The following CYTH3 variants were observed in gnomAD, a reference collection of about 807,000 sequenced individuals.
The protein encoded by CYTH3 is cytohesin-3.
Under a neutral mutation model 55.1 loss-of-function variants are expected in CYTH3, and 23 were observed. The observed-to-expected ratio is 0.42, with a 90% CI of 0.30 to 0.59. The LOEUF (loss-of-function observed/expected upper bound fraction) is 0.59, where lower values mean the gene tolerates loss of function less well. Ranked by LOEUF, CYTH3 falls within the 20% of genes least tolerant of loss-of-function variation. The probability of loss-of-function intolerance (pLI) is 0.20; values close to 1 mark genes in which losing one functional copy is unlikely to be tolerated. For synonymous variants in CYTH3, 249 were observed against 194.9 expected (o/e 1.28, Z -2.31); for missense variants, 413 against 524.8 (o/e 0.79, Z 2.08).
intron 5 of CYTH3, among the ~76,000 whole-genome samples, chr7:6,174,744 T>G (rs1783300012): frequency 6.6e-6 from 1 of 151,956 alleles, no homozygotes; most frequent in Non-Finnish European, 1.5e-5. Context: ...AGACGGGGTT[T>G]CACCGTGTTA....
At chr7:6,204,185 C>T (rs1207194908) in intron 1 of CYTH3, among the ~76,000 whole-genome samples, 3 of 152,134 alleles carry the variant, frequency 2.0e-5, no homozygotes, top group Admixed American at 6.5e-5. Flanking sequence ...GCTAACGACG[C>T]ATCTTACAAT....
chr7:6,170,977 G>A lies in CYTH3; in HGVS notation c.564C>T (p.Asp188=), dbSNP rs749633395. Residue 188 remains aspartate (D), a splice_region_variant and synonymous_variant, in exon 8 of 13, where the codon GAC becomes GAT. Coordinates refer to ENST00000350796, the MANE Select transcript of CYTH3 (RefSeq NM_004227.4). This position sits in a 1 kb window ranked among gnomAD's most constrained non-coding sequence, Gnocchi z 7.8. ...LCNPGVFQST[D]TCYVLSFAII... is the part of the protein sequence containing the mutation. ...TGGCGAATGACAGCACGTAGCACGT[G>A]TCTGCAACGAGTCCGGGGTGCTGGG... 6.2e-7 allele frequency: 1 copy of A among 1,613,810 alleles called. No individual in the cohort carries two copies. The highest frequency in any genetic ancestry group is 2.2e-5 in the East Asian group (1 of 44,876).
chr7:6,178,019 G>T, intron 4 of CYTH3, 78 bp from the exon 5 acceptor site: 1 of 1,140,994 alleles, frequency 8.8e-7, no homozygotes, highest in Non-Finnish European at 1.3e-6. Context: ...TACACTTAGT[G>T]TCAGGATTTT....
chr7:6,266,444 G>A (rs766933296), intron 1 of CYTH3, among the ~76,000 whole-genome samples: 9 of 152,220 alleles, frequency 5.9e-5, no homozygotes, highest in African/African-American at 9.6e-5. Flanking sequence ...TTATTGAAAT[G>A]TAAATCAAAT....
intron 1 of CYTH3, among the ~76,000 whole-genome samples, chr7:6,241,029 G>A (rs1415866223): frequency 6.6e-6 from 1 of 152,062 alleles, no homozygotes; most frequent in Middle Eastern, 3.2e-3. Flanking sequence ...GGCTGAGGCT[G>A]GAGAATCGCT....
At chr7:6,220,991 T>G (rs1005474301) in intron 1 of CYTH3, among the ~76,000 whole-genome samples, 2 of 150,394 alleles carry the variant, frequency 1.3e-5, no homozygotes, top group Non-Finnish European at 3.0e-5. Flanking sequence ...GTGAGACCCC[T>G]TCTCCAAAAA....
intron 1 of CYTH3, among the ~76,000 whole-genome samples, chr7:6,268,275 C>G (rs187658073): frequency 7.2e-5 from 11 of 152,320 alleles, no homozygotes; most frequent in African/African-American, 2.6e-4. Context: ...TCAAGCGATT[C>G]TCCTGCCTCA....
intron 1 of CYTH3, among the ~76,000 whole-genome samples, chr7:6,270,438 A>G (rs1780619867): frequency 6.6e-6 from 1 of 152,246 alleles, no homozygotes; most frequent in Non-Finnish European, 1.5e-5. Flanking sequence ...GATGAATTAA[A>G]TGATACACTT....
intron 5 of CYTH3, among the ~76,000 whole-genome samples, chr7:6,174,334 C>T (rs1484548360): frequency 1.3e-5 from 2 of 151,742 alleles, no homozygotes; most frequent in African/African-American, 4.8e-5. Flanking sequence ...AGGCTGGTCT[C>T]GAACTCCCGA....
chr7:6,165,099 A>G, intron 12 of CYTH3, 83 bp from the exon 13 acceptor site: 1 of 1,590,914 alleles, frequency 6.3e-7, no homozygotes, highest in South Asian at 1.1e-5. Flanking sequence ...GAGGCCCCTC[A>G]GACAGGACCG....
chr7:6,178,565 C>G (rs1413165333), intron 4 of CYTH3, among the ~76,000 whole-genome samples: 2 of 152,224 alleles, frequency 1.3e-5, no homozygotes, highest in Non-Finnish European at 2.9e-5. Context: ...TATGTGATGA[C>G]CAGAGCCACA....
intron 4 of CYTH3, among the ~76,000 whole-genome samples, chr7:6,179,798 C>CT (rs1783451670): frequency 7.6e-6 from 1 of 131,416 alleles, no homozygotes; most frequent in Admixed American, 7.6e-5. Context: ...CACACACACC[C>CT]ACCACACACA....
intron 1 of CYTH3, among the ~76,000 whole-genome samples, chr7:6,270,337 G>A (rs549995467): frequency 3.1e-4 from 47 of 152,252 alleles, no homozygotes; most frequent in African/African-American, 1.1e-3. Context: ...AATCAATAAA[G>A]GTTAAAAGTT....
chr7:6,171,279 G>A lies in CYTH3; in HGVS notation c.485C>T (p.Ala162Val). 6.2e-7 allele frequency: 1 copy of A among 1,614,128 alleles called. No homozygotes were observed. The highest frequency in any genetic ancestry group is 8.5e-7 in the Non-Finnish European group (1 of 1,179,990). ...CTCCATCATGCGATCAATCTTCTGC[G>A]CCTCCCCGGGCAGCCTGAAGCTCCA... ...FLWSFRLPGE[A>V]QKIDRMMEAF... The change falls in exon 7 of 13, where the codon GCG becomes GTG. Residue 162 changes from alanine (A) to valine (V), a missense_variant. Ala to Val is a moderately conservative substitution (Grantham distance 64, BLOSUM62 0). Around this residue, in one of 4 missense-constraint regions of CYTH3, gnomAD observed 156 missense variants for 233.1 expected, o/e 0.67. Coordinates refer to ENST00000350796, the MANE Select transcript of CYTH3 (RefSeq NM_004227.4). The surrounding 1 kb of genome is among the most constrained non-coding windows in gnomAD (Gnocchi z 6.7).
intron 1 of CYTH3, among the ~76,000 whole-genome samples, chr7:6,225,625 G>T (rs1214765015): frequency 6.6e-6 from 1 of 151,476 alleles, no homozygotes; most frequent in African/African-American, 2.4e-5. Flanking sequence ...CAAAGTGCTG[G>T]GATTACAGGT....
Position 6,266,957 on chromosome 7 carries a change from G to T in CYTH3, c.34+5517C>A, listed in dbSNP as rs183180406. 3.9e-4 allele frequency among the ~76,000 whole-genome samples: 59 copies of T among 152,336 alleles called. 1 individual carries two copies. In the South Asian group the frequency reaches 9.3e-3, roughly 24 times the overall value. On this transcript the variant is annotated intron_variant, in intron 1 of 12. Coordinates refer to ENST00000350796, the MANE Select transcript of CYTH3 (RefSeq NM_004227.4). ...CTCATGTTGAACTGTAATCCCCAAT[G>T]CTGGAGGCAGGACTTGGAGGGGAGG...
At chr7:6,255,758 GTT>G (rs397889923) in intron 1 of CYTH3, among the ~76,000 whole-genome samples, 66 of 89,408 alleles carry the variant, frequency 7.4e-4, no homozygotes, top group Admixed American at 1.2e-3. Context: ...CCTTTAATCT[GTT>G]TTTTTTTTTT....
intron 1 of CYTH3, among the ~76,000 whole-genome samples, chr7:6,234,509 A>G (rs964968491): frequency 6.6e-6 from 1 of 152,228 alleles, no homozygotes; most frequent in Non-Finnish European, 1.5e-5. Context: ...AGAACATCAA[A>G]AGCCCCATAG....
At chr7:6,186,964 C>T (rs1783670506) in intron 4 of CYTH3, 86 bp downstream of exon 4, 2 of 1,400,228 alleles carry the variant, frequency 1.4e-6, no homozygotes, top group Admixed American at 1.7e-5. Context: ...GGCGGACCAC[C>T]TCTGACCTCT....
Sources: allele counts gnomAD v4.1 joint callset (sites outside exome capture counted in the v4.1 genomes callset), GRCh38; gene constraint gnomAD v4.1.1; regional missense constraint gnomAD v4.1.1; non-coding constraint Gnocchi (gnomAD v3.1); transcripts MANE v1.5; gene names NCBI Gene and HGNC (gene_info 2026-07-23, HGNC 2026-07-21).